The following WDFY2 variants were observed in gnomAD, a reference collection of about 807,000 sequenced individuals.
WDFY2 encodes WD repeat and FYVE domain-containing protein 2.
Under a neutral mutation model 56.4 loss-of-function variants are expected in WDFY2, and 36 were observed. The observed-to-expected ratio is 0.64, with a 90% confidence interval of 0.49 to 0.84. The LOEUF (loss-of-function observed/expected upper bound fraction) is 0.84, where lower values mean the gene tolerates loss of function less well. Among genes scored for constraint, WDFY2 ranks in the 40% least tolerant of loss-of-function variants. The pLI is 0.00. For missense variants in WDFY2, 444 were observed against 512.2 expected (o/e 0.87, Z 1.29); for synonymous variants, 176 against 183.7 (o/e 0.96, Z 0.34).
At chr13:51,655,983 T>C (rs945715141) in intron 1 of WDFY2, among the ~76,000 whole-genome samples, 1 of 151,948 alleles carries the variant, frequency 6.6e-6, no homozygotes, top group Admixed American at 6.5e-5. Context: ...TCTGTTTAGC[T>C]AAAGGTTTGT....
At chr13:51,627,806 C>T (rs942105181) in intron 1 of WDFY2, among the ~76,000 whole-genome samples, 2 of 152,156 alleles carry the variant, frequency 1.3e-5, no homozygotes, top group East Asian at 3.9e-4. Flanking sequence ...TAGGTGGCTC[C>T]TCTCCATTGG....
At chr13:51,599,921 C>T (rs1452138282) in intron 1 of WDFY2, among the ~76,000 whole-genome samples, 1 of 151,596 alleles carries the variant, frequency 6.6e-6, no homozygotes, top group Non-Finnish European at 1.5e-5. Context: ...AACAAAAAAA[C>T]CAAAAAACCA....
intron 3 of WDFY2, among the ~76,000 whole-genome samples, chr13:51,691,418 T>C (rs1235876568): frequency 8.7e-5 from 13 of 149,882 alleles, no homozygotes; most frequent in African/African-American, 3.2e-4. Context: ...TACATATGGC[T>C]AGCCAGTTTT....
In WDFY2 at chr13:51,760,027, T is replaced by C. The variant is rs926863352; in HGVS notation, c.*258T>C. 3.7e-5 allele frequency: 14 copies of C among 383,102 alleles called. No homozygotes were observed. Among genetic ancestry groups the C allele is most frequent in the African/African-American group, 1.8e-4 (9 of 49,174 alleles). The allele number at this position is 383,102 out of a possible 1,614,324, so 23.7% of individuals were successfully genotyped here. On this transcript the variant is annotated 3_prime_UTR_variant, in exon 12 of 12. Transcript: ENST00000298125. ...GTTTATACAGTCTGGCTGTGCTGCATTGTTTTGAGTGTACCGAAAAATCTG... is the reference window on the plus strand; with the variant it reads ...GTTTATACAGTCTGGCTGTGCTGCACTGTTTTGAGTGTACCGAAAAATCTG...
intron 8 of WDFY2, among the ~76,000 whole-genome samples, 197 bp from the exon 9 acceptor site, chr13:51,755,161 T>C (rs1440640206): frequency 6.6e-6 from 1 of 152,218 alleles, no homozygotes; most frequent in East Asian, 1.9e-4. Context: ...GAGATTCTTA[T>C]TCACCACTAC....
Position 51,742,059 on chromosome 13 carries a change from G to A in WDFY2, c.725+2884G>A, listed in dbSNP as rs1042555546. Among the ~76,000 whole-genome samples, 18 of 152,180 alleles carry A rather than the reference G, an allele frequency of 1.2e-4. No homozygotes were observed. The South Asian group carries it at 1.2e-3, about 11-fold the overall frequency. On this transcript the variant is annotated intron_variant, in intron 7 of 11. Transcript: ENST00000298125. Reference sequence around the variant, plus strand: ...GGCATAATTGGTGAGCCTGGAAACCGGGGAGAGCAGACTGGCCTCCCCAGG... The same window carrying A: ...GGCATAATTGGTGAGCCTGGAAACCAGGGAGAGCAGACTGGCCTCCCCAGG...
chr13:51,720,911 A>G (rs779351746), intron 5 of WDFY2, among the ~76,000 whole-genome samples: 6 of 151,802 alleles, frequency 4.0e-5, no homozygotes, highest in Non-Finnish European at 1.5e-5. Context: ...GTTTTGACAT[A>G]TGAATTTTGG....
rs1357003499 is a variant in WDFY2 at position 51,650,178 on chromosome 13, C to G, written c.138-10418C>G. Among the ~76,000 whole-genome samples, 7 of 151,924 alleles carry G rather than the reference C, an allele frequency of 4.6e-5. No homozygotes were observed. The East Asian group carries it at 9.6e-4, about 21-fold the overall frequency. ...CCTAGGTATTTTATTCTCTTTGAAG[C>G]AATTGTGAATGGGAGTTCACTCATG... On this transcript the variant is annotated intron_variant, in intron 1 of 11. Transcript: ENST00000298125.
intron 6 of WDFY2, 21 bp downstream of exon 6, chr13:51,727,811 G>A (rs778138333): frequency 1.1e-5 from 18 of 1,608,182 alleles, no homozygotes; most frequent in South Asian, 6.6e-5. Flanking sequence ...CAGTAAAATC[G>A]TCATGTGCTG....
At chr13:51,713,380 T>G (rs770843714) in intron 4 of WDFY2, among the ~76,000 whole-genome samples, 1 of 152,156 alleles carries the variant, frequency 6.6e-6, no homozygotes, top group Non-Finnish European at 1.5e-5. Flanking sequence ...CAAGCAGATA[T>G]ATGTACACCC....
At position 51,719,286 on chromosome 13, in the gene WDFY2, C is replaced by T. The variant is rs147658238; in HGVS notation, c.423C>T (p.His141=). The change falls in exon 5 of 12, where the codon CAC becomes CAT. Residue 141 remains histidine (H), a synonymous_variant. Transcript: ENST00000298125. The stretch of plus-strand genomic sequence containing the variant: ...GACAGGACAAGCAATTTGCCTGGCA[C>T]TGCTCTGAGAGTGGGCAGCGCCTGG... The part of the protein sequence containing the change: ...STGQDKQFAW[H]CSESGQRLGG... The T allele has an allele frequency of 1.9e-6, 3 of 1,614,128 alleles. No individual in the cohort carries two copies. In the African/African-American group the frequency reaches 4.0e-5, roughly 22 times the overall value.
At chr13:51,711,621 G>C (rs1275672776) in intron 4 of WDFY2, among the ~76,000 whole-genome samples, 1 of 152,210 alleles carries the variant, frequency 6.6e-6, no homozygotes, top group African/African-American at 2.4e-5. Context: ...CCATCAAAAA[G>C]TGGGCAAAGG....
intron 3 of WDFY2, among the ~76,000 whole-genome samples, chr13:51,682,771 T>TATC (rs556047325): frequency 2.0e-4 from 30 of 152,270 alleles, no homozygotes; most frequent in Non-Finnish European, 4.0e-4. Flanking sequence ...TCAGTGTCAT[T>TATC]ATCATCATCA....
intron 1 of WDFY2, among the ~76,000 whole-genome samples, chr13:51,612,940 T>A (rs1954532143): frequency 6.6e-6 from 1 of 152,150 alleles, no homozygotes; most frequent in African/African-American, 2.4e-5. Flanking sequence ...AAATTCAATT[T>A]AAAAATATCT....
chr13:51,706,891 G>A (rs1187047238), intron 4 of WDFY2, among the ~76,000 whole-genome samples: 6 of 151,974 alleles, frequency 3.9e-5, no homozygotes, highest in Non-Finnish European at 1.5e-5. Context: ...GATGATTGGA[G>A]TACCAAGAAT....
chr13:51,653,644 G>T (rs1477458214), intron 1 of WDFY2, among the ~76,000 whole-genome samples: 1 of 152,222 alleles, frequency 6.6e-6, no homozygotes, highest in Non-Finnish European at 1.5e-5. Context: ...CTCAGCTGCG[G>T]GTCTGTTGGA....
intron 1 of WDFY2, chr13:51,586,312 A>G (rs937132009): frequency 1.1e-5 from 4 of 360,944 alleles, no homozygotes; most frequent in Non-Finnish European, 2.0e-5. Context: ...ACTACTGGAG[A>G]TGGAACTGAT....
intron 2 of WDFY2, among the ~76,000 whole-genome samples, chr13:51,674,721 A>T (rs937768928): frequency 7.9e-5 from 12 of 152,080 alleles, no homozygotes; most frequent in Admixed American, 2.6e-4. Context: ...TCCTGTGTGT[A>T]TGTGTCTGTA....
chr13:51,730,299 C>T (rs752518889), intron 6 of WDFY2, among the ~76,000 whole-genome samples: 15 of 152,218 alleles, frequency 9.9e-5, no homozygotes, highest in Non-Finnish European at 2.1e-4. Context: ...TGCTGGGACA[C>T]GTTGTAAACC....
Sources: allele counts gnomAD v4.1 joint callset (sites outside exome capture counted in the v4.1 genomes callset), GRCh38; gene constraint gnomAD v4.1.1; transcripts MANE v1.5; gene names NCBI Gene and HGNC (gene_info 2026-07-23, HGNC 2026-07-21).